Variants in ARHGAP26 observed in about 807,000 individuals in gnomAD.
ARHGAP26 encodes Rho GTPase activating protein 26, also known as rho GTPase-activating protein 26.
In ARHGAP26, 38 loss-of-function variants were observed where a neutral mutation model predicts 104.8. The ratio of observed to expected loss-of-function variants is 0.36; its 90% confidence interval spans 0.28 to 0.48. The LOEUF (loss-of-function observed/expected upper bound fraction) is 0.48. Among genes scored for constraint, ARHGAP26 ranks in the 20% least tolerant of loss-of-function variants. ARHGAP26 has a pLI of 0.99. For synonymous variants in ARHGAP26, 341 were observed against 340.0 expected, an observed-to-expected ratio of 1.00 and a Z score of -0.03; for missense variants, 704 against 947.9, an observed-to-expected ratio of 0.74 and a Z score of 3.38.
chr5:142,772,674 A>C (rs1400214928), intron 1 of ARHGAP26: 1 of 502,198 alleles, frequency 2.0e-6, no homozygotes, highest in East Asian at 5.6e-5. Context: ...TGAGTCACAC[A>C]GCTCTAGCAG....
intron 12 of ARHGAP26, among the ~76,000 whole-genome samples, chr5:143,026,766 C>T (rs1367829801): frequency 9.0e-6 from 1 of 111,598 alleles, no homozygotes; most frequent in Non-Finnish European, 1.7e-5. Flanking sequence ...AAAGATGACT[C>T]TGGCTGCTGG....
chr5:142,864,016 A>G (rs567271992), intron 1 of ARHGAP26, among the ~76,000 whole-genome samples: 101 of 151,834 alleles, frequency 6.7e-4, no homozygotes, highest in African/African-American at 2.1e-3. Flanking sequence ...TTAGACCTCT[A>G]TCTCCCTCTA....
At chr5:142,961,125 C>T (rs2152660390) in intron 11 of ARHGAP26, among the ~76,000 whole-genome samples, 1 of 152,216 alleles carries the variant, frequency 6.6e-6, no homozygotes, top group South Asian at 2.1e-4. Flanking sequence ...TTATCTAACC[C>T]ACCTTTGTCT....
At chr5:142,821,023 G>A (rs1260622913) in intron 1 of ARHGAP26, among the ~76,000 whole-genome samples, 1 of 152,190 alleles carries the variant, frequency 6.6e-6, no homozygotes, top group Non-Finnish European at 1.5e-5. Context: ...AGAGCAGACA[G>A]GATGCCAGGA....
rs1183355352 is a variant in ARHGAP26, at chr5:143,121,292, G to A, written c.1698+145G>A. On this transcript the variant is annotated intron_variant, in intron 18 of 22. Transcript: ENST00000645722. ...GAAGTTGCTGGTGGTGGTAGTGATG[G>A]TGGTGATGATAATGTAAGGTTGGTG... 30 of 861,910 alleles carry A rather than the reference G, an allele frequency of 3.5e-5. No homozygotes were observed. The Admixed American group carries it at 9.0e-4, about 26-fold the overall frequency. The allele number at this position is 861,910 out of a possible 1,614,324, so 53.4% of individuals were successfully genotyped here.
chr5:142,772,876 C>T (rs752530798), intron 1 of ARHGAP26: 3 of 533,464 alleles, frequency 5.6e-6, no homozygotes, highest in Non-Finnish European at 1.2e-5. Context: ...TGGCAGTTTT[C>T]CTACCACTAG....
At position 143,106,566 on chromosome 5, in the gene ARHGAP26, G is replaced by A. The variant is rs541160904; in HGVS notation, c.1539-14422G>A. 7.8e-5 allele frequency among the ~76,000 whole-genome samples: 10 copies of A among 127,884 alleles called. No homozygotes were observed. In the South Asian group the frequency reaches 1.5e-3, roughly 20 times the overall value. The allele number at this position is 127,884 out of a possible 152,430, so 83.9% of individuals were successfully genotyped here. On this transcript the variant is annotated intron_variant, in intron 17 of 22. Transcript: ENST00000645722. ...CAGCTCATGGCAACCTCCGCCTCCC[G>A]GGTTCAGGCGATTCTCCTGCCTCAG...
chr5:142,771,340 C>T lies in ARHGAP26; in HGVS notation c.154+425C>T, dbSNP rs1164924449. On this transcript the variant is annotated intron_variant, in intron 1 of 22. Transcript: ENST00000645722. ...TGCCCAACCGTGAGAATGGAGCGTGCCCTGCCGAGGGGGCGCTGCCTCCCC... is the reference window on the plus strand; with the variant it reads ...TGCCCAACCGTGAGAATGGAGCGTGTCCTGCCGAGGGGGCGCTGCCTCCCC... 5.7e-6 allele frequency: 7 copies of T among 1,232,094 alleles called. No homozygotes were observed. The South Asian group carries it at 2.5e-4, about 43-fold the overall frequency. The allele number at this position is 1,232,094 out of a possible 1,614,324, so 76.3% of individuals were successfully genotyped here. A position where few individuals can be genotyped will look rare whatever the true frequency, so the allele number is the denominator to read the frequency against.
intron 20 of ARHGAP26, among the ~76,000 whole-genome samples, chr5:143,177,055 T>C (rs1405971757): frequency 1.3e-5 from 2 of 152,246 alleles, no homozygotes; most frequent in African/African-American, 4.8e-5. Context: ...ATATTATATG[T>C]AGGGACCATA....
chr5:143,193,400 C>T (rs1241014631), intron 20 of ARHGAP26, among the ~76,000 whole-genome samples: 1 of 151,966 alleles, frequency 6.6e-6, no homozygotes, highest in Admixed American at 6.5e-5. Context: ...GGTATACAGC[C>T]ACCAAACCTG....
intron 20 of ARHGAP26, among the ~76,000 whole-genome samples, chr5:143,159,467 CT>C (rs1334914941): frequency 2.0e-5 from 3 of 152,184 alleles, no homozygotes; most frequent in Admixed American, 6.5e-5. Context: ...ATGTGCTGGT[CT>C]AGAGCTGCCT....
intron 17 of ARHGAP26, among the ~76,000 whole-genome samples, chr5:143,119,191 T>C (rs534256704): frequency 7.9e-5 from 12 of 152,286 alleles, no homozygotes; most frequent in Non-Finnish European, 1.6e-4. Flanking sequence ...TTTAGTCAGA[T>C]GTAGTGTGGA....
intron 17 of ARHGAP26, among the ~76,000 whole-genome samples, chr5:143,099,384 G>A (rs6875280): frequency 0.1 from 15,970 of 152,168 alleles, 1,637 homozygotes; most frequent in East Asian, 0.36. Context: ...GTGAGAATGA[G>A]GGTGAGACAT....
At chr5:143,057,838 C>G (rs761265064) in intron 17 of ARHGAP26, 91 bp downstream of exon 17, 9 of 1,060,882 alleles carry the variant, frequency 8.5e-6, no homozygotes, top group South Asian at 7.6e-5. Context: ...TTTTGTTTCT[C>G]TCTCCCACTA....
At chr5:143,081,974 C>T (rs901803671) in intron 17 of ARHGAP26, among the ~76,000 whole-genome samples, 6 of 139,276 alleles carry the variant, frequency 4.3e-5, no homozygotes, top group Admixed American at 7.7e-5. Flanking sequence ...CGCGCCACTG[C>T]GCTCCAGCCT....
chr5:142,847,361 T>C (rs1450469923), intron 1 of ARHGAP26, among the ~76,000 whole-genome samples: 2 of 150,712 alleles, frequency 1.3e-5, no homozygotes, highest in Non-Finnish European at 3.0e-5. Flanking sequence ...GATGGAGATG[T>C]CTTTTTTTTT....
intron 17 of ARHGAP26, among the ~76,000 whole-genome samples, chr5:143,075,495 C>T (rs911056164): frequency 3.3e-5 from 5 of 151,890 alleles, no homozygotes; most frequent in African/African-American, 1.2e-4. Context: ...ATAGTAGGGA[C>T]GTTTGGTTTT....
chr5:143,165,996 G>A (rs1004750066), intron 20 of ARHGAP26: 78 of 1,305,148 alleles, frequency 6.0e-5, no homozygotes, highest in Middle Eastern at 2.1e-4. Flanking sequence ...GTTACCTGCC[G>A]TAATTATGGT....
At position 142,812,855 on chromosome 5, in the gene ARHGAP26, G is replaced by A. The variant is rs192590600; in HGVS notation, c.154+41940G>A. Among the ~76,000 whole-genome samples, 457 of 152,162 alleles carry A rather than the reference G, an allele frequency of 3.0e-3. 2 individuals are homozygous for A. Among genetic ancestry groups the A allele is most frequent in the Middle Eastern group, 6.8e-3 (2 of 294 alleles). On this transcript the variant is annotated intron_variant, in intron 1 of 22. Coordinates refer to ENST00000645722, the MANE Select transcript of ARHGAP26 (RefSeq NM_001135608.3). ...GTCTGGCTCCTAAAACAGGGGTATT[G>A]ATGCTGGGCCTTAGCAATCAATTAT...
Sources: gnomAD v4.1 joint callset for allele counts (sites outside exome capture counted in the v4.1 genomes callset) on GRCh38, gnomAD v4.1.1 for gene constraint, MANE v1.5 for transcripts, NCBI Gene and HGNC (gene_info 2026-07-23, HGNC 2026-07-21) for gene names.